The following DNAH7 variants were observed in gnomAD, a reference collection of about 807,000 sequenced individuals.
The protein encoded by DNAH7 is axonemal beta dynein heavy chain 7.
DNAH7 carries 397 observed loss-of-function variants against 444.6 expected under a neutral mutation model. That is an observed-to-expected ratio of 0.89 (90% CI 0.82 to 0.97). The LOEUF is 0.97. DNAH7 is among the 50% of genes least tolerant of loss of function. The probability of loss-of-function intolerance (pLI) is 0.00; values close to 1 mark genes in which losing one functional copy is unlikely to be tolerated. For missense variants in DNAH7, 4,902 were observed against 4,800.8 expected (o/e 1.02, Z -0.62); for synonymous variants, 1,636 against 1,624.4 (o/e 1.01, Z -0.17).
At position 195,861,854 on chromosome 2, in the gene DNAH7, C is replaced by T. The variant is rs1241653380; in HGVS notation, c.7599G>A (p.Met2533Ile). 6.2e-7 allele frequency: 1 copy of T among 1,613,896 alleles called. No homozygotes were observed. Residue 2533 changes from methionine (M) to isoleucine (I), a missense_variant, in exon 42 of 65, where the codon ATG becomes ATA. Met to Ile is a conservative substitution (Grantham distance 10). Transcript: ENST00000312428. Reference protein sequence around the residue: ...SEEIRDGCIDMCKSFHTSTID... With the variant: ...SEEIRDGCIDICKSFHTSTID... ...TAGTAGAAGTGTGGAAGCTTTTACA[C>T]ATGTCGATACAGCCATCTCGTATTT... is the stretch of plus-strand genomic sequence containing the variant.
At chr2:196,000,951 G>T in intron 11 of DNAH7, 68 bp from the exon 12 acceptor site, 2 of 1,272,248 alleles carry the variant, frequency 1.6e-6, no homozygotes, top group Non-Finnish European at 2.1e-6. Flanking sequence ...TAGTACACCA[G>T]TCCCAATTAG....
At chr2:195,986,349 AACTTCCTTCAGGCTTCT>A (rs1692908404) in intron 14 of DNAH7, among the ~76,000 whole-genome samples, 1 of 152,228 alleles carries the variant, frequency 6.6e-6, no homozygotes, top group Non-Finnish European at 1.5e-5. Flanking sequence ...AGGTAAATAA[AACTTCCTTCAGGCTTCT>A]ATACAGCTTG....
At position 195,895,067 on chromosome 2, in the gene DNAH7, C is replaced by T. The variant is rs758390184; in HGVS notation, c.4805G>A (p.Arg1602His). The change falls in exon 30 of 65, where the codon CGT (arginine) becomes CAT (histidine). Residue 1602 changes from arginine (R) to histidine (H), a missense_variant. By Grantham distance (29) the Arg-to-His change is conservative. Transcript: ENST00000312428. ...ILQVYEMMIV[R>H]HGFMIVGEPF... ...TTCTCCAACAATCATAAAACCATGA[C>T]GCACAATCATCATTTCATATACTTG... is the stretch of plus-strand genomic sequence containing the variant. 2.6e-5 allele frequency: 42 copies of T among 1,613,346 alleles called. No homozygotes were observed. In the Admixed American group the frequency reaches 3.0e-4, roughly 12 times the overall value.
At chr2:195,837,251 A>T (rs1698420071) in intron 47 of DNAH7, among the ~76,000 whole-genome samples, 2 of 152,220 alleles carry the variant, frequency 1.3e-5, no homozygotes, top group Admixed American at 1.3e-4. Context: ...CTAAAGCTTG[A>T]AATTCTCTAA....
At chr2:195,972,910 C>T (rs1325902768) in intron 15 of DNAH7, among the ~76,000 whole-genome samples, 2 of 152,180 alleles carry the variant, frequency 1.3e-5, no homozygotes, top group African/African-American at 4.8e-5. Context: ...ACCCAAATAA[C>T]CACCAGAACA....
intron 61 of DNAH7, among the ~76,000 whole-genome samples, chr2:195,764,755 A>AT (rs1271167044): frequency 6.6e-6 from 1 of 152,134 alleles, no homozygotes; most frequent in Non-Finnish European, 1.5e-5. Context: ...AAATGGAAAG[A>AT]TATTCCATGT....
intron 63 of DNAH7, among the ~76,000 whole-genome samples, chr2:195,742,232 C>T (rs1167363099): frequency 6.6e-6 from 1 of 152,118 alleles, no homozygotes; most frequent in African/African-American, 2.4e-5. Context: ...AAGGCCTGTC[C>T]ATCAGTCACC....
Position 195,881,855 on chromosome 2 carries a change from G to C in DNAH7, c.5901C>G (p.Thr1967=), listed in dbSNP as rs778276007. 6.2e-7 allele frequency: 1 copy of C among 1,614,000 alleles called. No homozygotes were observed. Among genetic ancestry groups the C allele is most frequent in the South Asian group, 1.1e-5 (1 of 91,074 alleles). ...RYSALMELLT[T]HQKPSIFVGP... ...CTACAAATATTGAAGGCTTTTGATGGGTGGTCAGCAATTCCATTAATGCAG... is the reference window on the plus strand; with the variant it reads ...CTACAAATATTGAAGGCTTTTGATGCGTGGTCAGCAATTCCATTAATGCAG... The change falls in exon 36 of 65, where the codon ACC becomes ACG. Residue 1967 remains threonine, a synonymous_variant. Transcript: ENST00000312428.
At position 195,754,519 on chromosome 2, in the gene DNAH7, G is replaced by A. The variant is rs769244882; in HGVS notation, c.11587-5C>T. On this transcript the variant is annotated splice_polypyrimidine_tract_variant and splice_region_variant and intron_variant, in intron 62 of 64. Transcript: ENST00000312428. ...AGGACCAACCTCATACCATTGCTAGGGTGTAAAACACAAGTGGGCTAACAG... is the reference window on the plus strand; with the variant it reads ...AGGACCAACCTCATACCATTGCTAGAGTGTAAAACACAAGTGGGCTAACAG... 1.2e-6 allele frequency: 2 copies of A among 1,612,530 alleles called. No homozygotes were observed. The highest frequency in any genetic ancestry group is 2.2e-5 in the South Asian group (2 of 90,800).
chr2:196,024,598 G>T, intron 7 of DNAH7, 94 bp from the exon 8 acceptor site: 1 of 652,616 alleles, frequency 1.5e-6, no homozygotes, highest in Non-Finnish European at 2.4e-6. Flanking sequence ...AAGATTAACT[G>T]TTTAAATTAT....
chr2:195,787,772 C>A (rs1352120088), intron 57 of DNAH7, among the ~76,000 whole-genome samples: 1 of 152,042 alleles, frequency 6.6e-6, no homozygotes. Flanking sequence ...ATGTCCCCTG[C>A]AGCTGGGGCA....
intron 34 of DNAH7, 37 bp from the exon 35 acceptor site, chr2:195,884,846 A>G (rs2125191550): frequency 6.5e-7 from 1 of 1,540,296 alleles, no homozygotes; most frequent in South Asian, 1.2e-5. Flanking sequence ...GAACAATTAA[A>G]GAATAATTTT....
intron 8 of DNAH7, among the ~76,000 whole-genome samples, chr2:196,022,753 C>T (rs1695456198): frequency 1.3e-5 from 2 of 152,274 alleles, no homozygotes; most frequent in South Asian, 4.1e-4. Flanking sequence ...ATTTTTACCA[C>T]CTTGTATGAA....
rs565295433 is a variant in DNAH7, at chr2:195,967,371, C to T, written c.2205+2577G>A. ...ATGGGCTCATCGTTTAGTCTTTCTA[C>T]TTAAGACATGAGTAGTTTACATACC... On this transcript the variant is annotated intron_variant, in intron 17 of 64. Coordinates refer to ENST00000312428, the MANE Select transcript of DNAH7 (RefSeq NM_018897.3). Among the ~76,000 whole-genome samples the T allele has an allele frequency of 3.9e-5, 6 of 152,194 alleles. No individual in the cohort carries two copies. In the East Asian group the frequency reaches 1.2e-3, roughly 29 times the overall value.
At chr2:195,895,954 C>T (rs580286) in intron 29 of DNAH7, among the ~76,000 whole-genome samples, 45,193 of 151,924 alleles carry the variant, frequency 0.3, 9,469 homozygotes, top group African/African-American at 0.59. Flanking sequence ...TTAAATCTAT[C>T]CACCTATTGA....
chr2:195,885,464 C>A (rs10190600), intron 34 of DNAH7, among the ~76,000 whole-genome samples: 5 of 152,146 alleles, frequency 3.3e-5, no homozygotes, highest in Non-Finnish European at 5.9e-5. Flanking sequence ...TACTTCAACC[C>A]TATTCACCTA....
chr2:195,781,976 T>TACACACACACACACACAC (rs59244207), intron 58 of DNAH7, among the ~76,000 whole-genome samples: 4 of 129,834 alleles, frequency 3.1e-5, no homozygotes, highest in Non-Finnish European at 4.8e-5. Flanking sequence ...GTGGGTCTTA[T>TACACACACACACACACAC]ACACACACAC....
At chr2:195,953,236 C>T (rs931113908) in intron 19 of DNAH7, among the ~76,000 whole-genome samples, 4 of 152,078 alleles carry the variant, frequency 2.6e-5, no homozygotes, top group African/African-American at 9.7e-5. Flanking sequence ...CACTCCAGAC[C>T]CTGTTTGCCT....
intron 63 of DNAH7, among the ~76,000 whole-genome samples, chr2:195,752,308 G>C (rs1219545009): frequency 6.6e-6 from 1 of 151,320 alleles, no homozygotes; most frequent in African/African-American, 2.4e-5. Context: ...CAGTAGGACT[G>C]TAGGTGAGCA....
Sources: allele counts gnomAD v4.1 joint callset (sites outside exome capture counted in the v4.1 genomes callset), GRCh38; gene constraint gnomAD v4.1.1; transcripts MANE v1.5; gene names NCBI Gene and HGNC (gene_info 2026-07-23, HGNC 2026-07-21).